The following SPAG16 variants were observed in gnomAD, a reference collection of about 807,000 sequenced individuals.
SPAG16 encodes sperm-associated antigen 16 protein.
SPAG16 carries 86 observed loss-of-function variants against 80.4 expected under a neutral mutation model. The ratio of observed to expected loss-of-function variants is 1.07; its 90% CI spans 0.90 to 1.28. SPAG16 has a LOEUF of 1.28. Among genes scored for constraint, SPAG16 ranks in the 50% most tolerant of loss-of-function variants. SPAG16 has a pLI of 0.00. For missense variants in SPAG16, 870 were observed against 765.3 expected, an observed-to-expected ratio of 1.14 and a Z score of -1.61; for synonymous variants, 294 against 265.9, an observed-to-expected ratio of 1.11 and a Z score of -1.03.
At chr2:213,527,701 T>G in intron 10 of SPAG16, among the ~76,000 whole-genome samples, 1 of 151,530 alleles carries the variant, frequency 6.6e-6, no homozygotes, top group East Asian at 1.9e-4. Context: ...ACACAGAAAA[T>G]AAGACAACAA....
intron 14 of SPAG16, among the ~76,000 whole-genome samples, chr2:214,127,450 A>G (rs2054546251): frequency 1.3e-5 from 2 of 151,792 alleles, no homozygotes; most frequent in South Asian, 4.1e-4. Flanking sequence ...TGGAAAGAGC[A>G]GAGTGGGAGT....
intron 9 of SPAG16, among the ~76,000 whole-genome samples, chr2:213,460,515 A>G (rs1348165865): frequency 6.6e-6 from 1 of 152,222 alleles, no homozygotes; most frequent in Non-Finnish European, 1.5e-5. Context: ...TCAATCAGGA[A>G]TAAAACAGAA....
chr2:213,379,963 C>T (rs1225409661), intron 9 of SPAG16, among the ~76,000 whole-genome samples: 2 of 152,184 alleles, frequency 1.3e-5, no homozygotes, highest in African/African-American at 2.4e-5. Flanking sequence ...TAAAATCCTC[C>T]TCAGCTGAGG....
At chr2:213,440,421 G>A (rs1020439417) in intron 9 of SPAG16, among the ~76,000 whole-genome samples, 7 of 152,218 alleles carry the variant, frequency 4.6e-5, no homozygotes, top group East Asian at 1.9e-4. Flanking sequence ...TGGGCGTGGC[G>A]GCGGGCGCCT....
At chr2:213,693,964 C>G (rs1259998017) in intron 10 of SPAG16, among the ~76,000 whole-genome samples, 2 of 151,194 alleles carry the variant, frequency 1.3e-5, no homozygotes, top group Admixed American at 1.3e-4. Flanking sequence ...GCAAGAGAAG[C>G]CAGAAATATG....
rs999984935 is a variant in SPAG16 at position 213,394,466 on chromosome 2, T to A, written c.942+19347T>A. Among the ~76,000 whole-genome samples the A allele has an allele frequency of 2.2e-4, 34 of 152,262 alleles. No homozygotes were observed. In the East Asian group the frequency reaches 6.2e-3, roughly 28 times the overall value. On this transcript the variant is annotated intron_variant, in intron 9 of 15. Transcript: ENST00000331683. ...TCTTTACCCAGTTTCCCCTAACGGT[T>A]ACATCTTGGAAAACTATAATATAGT...
At chr2:214,237,304 T>G (rs955093494) in intron 15 of SPAG16, among the ~76,000 whole-genome samples, 1 of 151,870 alleles carries the variant, frequency 6.6e-6, no homozygotes, top group Non-Finnish European at 1.5e-5. Context: ...TAGTGTTTGA[T>G]AAATTGACCA....
intron 9 of SPAG16, among the ~76,000 whole-genome samples, chr2:213,417,426 G>T (rs1405212517): frequency 6.6e-6 from 1 of 152,148 alleles, no homozygotes; most frequent in Non-Finnish European, 1.5e-5. Context: ...AATTACTTTT[G>T]TACAACATGC....
At chr2:213,368,650 G>A (rs889423491) in intron 8 of SPAG16, among the ~76,000 whole-genome samples, 1 of 152,168 alleles carries the variant, frequency 6.6e-6, no homozygotes, top group Non-Finnish European at 1.5e-5. Flanking sequence ...TGACATGATT[G>A]TATATTTAGA....
intron 8 of SPAG16, among the ~76,000 whole-genome samples, chr2:213,366,034 T>C (rs113004365): frequency 0.28 from 40,236 of 144,650 alleles, 6,018 homozygotes; most frequent in African/African-American, 0.33. Flanking sequence ...CCCAGCTACT[T>C]GGGAGGCTGA....
intron 5 of SPAG16, among the ~76,000 whole-genome samples, chr2:213,334,394 G>T (rs373573038): frequency 6.6e-6 from 1 of 152,148 alleles, no homozygotes; most frequent in Non-Finnish European, 1.5e-5. Context: ...AGAACAGTTC[G>T]CAGTTCCTCA....
intron 14 of SPAG16, among the ~76,000 whole-genome samples, chr2:214,108,469 A>ACC (rs1360426152): frequency 3.8e-5 from 3 of 78,926 alleles, no homozygotes; most frequent in African/African-American, 1.4e-4. Flanking sequence ...ACACACACAC[A>ACC]CACACACACA....
At chr2:213,752,356 C>T (rs977771106) in intron 10 of SPAG16, among the ~76,000 whole-genome samples, 1 of 152,088 alleles carries the variant, frequency 6.6e-6, no homozygotes, top group Non-Finnish European at 1.5e-5. Flanking sequence ...TGATTTTTGA[C>T]TCCCCTCTTT....
At chr2:214,250,733 G>GATATATATATATAT (rs59644776) in intron 15 of SPAG16, among the ~76,000 whole-genome samples, 2 of 112,356 alleles carry the variant, frequency 1.8e-5, no homozygotes, top group African/African-American at 6.8e-5. Context: ...GGAGCTTTGA[G>GATATATATATATAT]ATATATATAT....
At chr2:213,527,869 C>T (rs2075943756) in intron 10 of SPAG16, among the ~76,000 whole-genome samples, 1 of 151,926 alleles carries the variant, frequency 6.6e-6, no homozygotes, top group South Asian at 2.1e-4. Flanking sequence ...TAGAAGTTTT[C>T]TAAAATACAT....
intron 10 of SPAG16, among the ~76,000 whole-genome samples, chr2:213,576,396 A>C (rs1317107421): frequency 6.6e-6 from 1 of 152,148 alleles, no homozygotes; most frequent in Non-Finnish European, 1.5e-5. Flanking sequence ...GGATTCAGCC[A>C]TTGAGGAAGA....
rs1476916666 is a variant in SPAG16 at position 213,347,636 on chromosome 2, G to A, written c.645-2892G>A. On this transcript the variant is annotated intron_variant, in intron 6 of 15. Transcript: ENST00000331683. ...ACATCTTTATTTCTGCCTTCATTTC[G>A]TTATGTACCCAGTAGTCATTCAGGA... Among the ~76,000 whole-genome samples, 6 of 152,074 alleles carry A rather than the reference G, an allele frequency of 3.9e-5. No homozygotes were observed. The East Asian group carries it at 1.2e-3, about 29-fold the overall frequency.
At chr2:213,316,585 C>G (rs2063408925) in intron 4 of SPAG16, among the ~76,000 whole-genome samples, 1 of 152,176 alleles carries the variant, frequency 6.6e-6, no homozygotes, top group African/African-American at 2.4e-5. Flanking sequence ...TCACCATTCT[C>G]TCCTTGGTCA....
chr2:213,899,455 T>G (rs1389915733), intron 11 of SPAG16, among the ~76,000 whole-genome samples: 1 of 152,090 alleles, frequency 6.6e-6, no homozygotes, highest in Non-Finnish European at 1.5e-5. Context: ...GATAAAATTA[T>G]AAAATCAATA....
Sources: allele counts gnomAD v4.1 joint callset (sites outside exome capture counted in the v4.1 genomes callset), GRCh38; gene constraint gnomAD v4.1.1; transcripts MANE v1.5; gene names NCBI Gene and HGNC (gene_info 2026-07-23, HGNC 2026-07-21).